Variants in PRTG observed in about 807,000 individuals in gnomAD.
PRTG encodes the protein protogenin, also known as immunoglobulin superfamily, DCC subclass, member 5.
In PRTG, 67 loss-of-function variants were observed where a neutral mutation model predicts 122.5. The observed-to-expected ratio is 0.55, with a 90% CI of 0.45 to 0.67. The LOEUF is 0.67. Among genes scored for constraint, PRTG ranks in the 30% least tolerant of loss-of-function variants. PRTG has a pLI of 0.00. For missense variants in PRTG, 1,435 were observed against 1,415.4 expected (o/e 1.01, Z -0.22); for synonymous variants, 554 against 501.1 (o/e 1.11, Z -1.41).
At chr15:55,732,460 C>A (rs2031266458) in intron 2 of PRTG, among the ~76,000 whole-genome samples, 1 of 150,160 alleles carries the variant, frequency 6.7e-6, no homozygotes, top group Non-Finnish European at 1.5e-5. Flanking sequence ...GCTGGGATTA[C>A]AGGTATGAGC....
chr15:55,704,079 A>AG (rs1216922600), intron 2 of PRTG, among the ~76,000 whole-genome samples: 1 of 152,204 alleles, frequency 6.6e-6, no homozygotes, highest in Non-Finnish European at 1.5e-5. Flanking sequence ...TATGAATTCA[A>AG]GGGGGAAAAA....
chr15:55,733,982 ACTACTT>A, intron 2 of PRTG, among the ~76,000 whole-genome samples: 1 of 152,346 alleles, frequency 6.6e-6, no homozygotes, highest in South Asian at 2.1e-4. Flanking sequence ...AAAGTGTTCT[ACTACTT>A]TCGGAAACAT....
At chr15:55,639,070 C>G (rs79993336) in intron 13 of PRTG, among the ~76,000 whole-genome samples, 2,211 of 152,230 alleles carry the variant, frequency 0.015, 55 homozygotes, top group African/African-American at 0.047. Context: ...CTCCTAAGCA[C>G]AAGCAATTCT....
chr15:55,636,868 A>T (rs2059260453), intron 15 of PRTG, among the ~76,000 whole-genome samples: 1 of 152,170 alleles, frequency 6.6e-6, no homozygotes, highest in Non-Finnish European at 1.5e-5. Flanking sequence ...GCTGGTGTTG[A>T]ACTCCGGACC....
chr15:55,629,298 T>C (rs999827569), intron 15 of PRTG, among the ~76,000 whole-genome samples: 1 of 151,802 alleles, frequency 6.6e-6, no homozygotes, highest in Admixed American at 6.6e-5. Context: ...CCCAATATAA[T>C]CCTTTTCTGT....
In PRTG at chr15:55,705,772, T is replaced by C. The variant is rs1479116975; in HGVS notation, c.398-21841A>G. The stretch of plus-strand genomic sequence containing the variant: ...CTATTTCTGATCAACATCAATTTAA[T>C]TGTACTGTTGTTTATCCAACATTCC... On this transcript the variant is annotated intron_variant, in intron 2 of 19. Coordinates refer to ENST00000389286, the MANE Select transcript of PRTG (RefSeq NM_173814.6). Among the ~76,000 whole-genome samples, 7 of 152,232 alleles carry C rather than the reference T, an allele frequency of 4.6e-5. No homozygotes were observed. The East Asian group carries it at 1.4e-3, about 29-fold the overall frequency.
At chr15:55,708,167 A>AC (rs2030219361) in intron 2 of PRTG, among the ~76,000 whole-genome samples, 1 of 133,056 alleles carries the variant, frequency 7.5e-6, no homozygotes, top group African/African-American at 2.7e-5. Flanking sequence ...AAAAAAAAAA[A>AC]AAAAAAAAAA....
intron 14 of PRTG, among the ~76,000 whole-genome samples, chr15:55,637,996 G>T (rs187751438): frequency 1.1e-3 from 165 of 152,230 alleles, no homozygotes; most frequent in Non-Finnish European, 2.0e-3. Context: ...CTTTCTCTCT[G>T]TATAATTAAA....
chr15:55,641,615 A>C (rs2059290934), intron 11 of PRTG, among the ~76,000 whole-genome samples: 1 of 152,218 alleles, frequency 6.6e-6, no homozygotes, highest in Non-Finnish European at 1.5e-5. Flanking sequence ...CGTTTACTTC[A>C]AAGTATGGAA....
intron 2 of PRTG, among the ~76,000 whole-genome samples, chr15:55,689,632 T>TA (rs5812811): frequency 0.92 from 133,253 of 144,180 alleles, 61,879 homozygotes; most frequent in East Asian, 0.99. Flanking sequence ...GAACTTAAAT[T>TA]AAAAAAAAAA....
rs73408376 is a variant in PRTG at position 55,712,026 on chromosome 15, T to A, written c.398-28095A>T. On this transcript the variant is annotated intron_variant, in intron 2 of 19. Coordinates refer to ENST00000389286, the MANE Select transcript of PRTG (RefSeq NM_173814.6). ...ACAATCTAGGAAGGAACTGAAATGG[T>A]TAAGCAGAAGCCAAATGATTCTGGA... Among the ~76,000 whole-genome samples, 476 of 152,298 alleles carry A rather than the reference T, an allele frequency of 3.1e-3. 4 individuals carry two copies. The highest frequency in any genetic ancestry group is 0.011 in the African/African-American group (460 of 41,568).
rs59773365 is a variant in PRTG, at chr15:55,612,697, AATATATATAT to A, written c.*7305_*7314del. 8.1e-3 allele frequency: 976 copies of A among 119,994 alleles called. 7 individuals are homozygous for A. The highest frequency in any genetic ancestry group is 0.017 in the African/African-American group (366 of 21,208). The allele number at this position is 119,994 out of a possible 1,614,324, so 7.4% of individuals were successfully genotyped here. On this transcript the variant is annotated 3_prime_UTR_variant, in exon 20 of 20. Transcript: ENST00000389286. ...TTCTCTCTTTAACTCTTTAAAAGCC[AATATATATAT>A]ATATATATATATATATATATATATA...
chr15:55,637,807 A>G (rs1457323332), intron 14 of PRTG, among the ~76,000 whole-genome samples: 2 of 152,142 alleles, frequency 1.3e-5, no homozygotes, highest in African/African-American at 4.8e-5. Flanking sequence ...GTGAATTTAC[A>G]GGGCAGACTT....
intron 6 of PRTG, 155 bp from the exon 7 acceptor site, chr15:55,679,600 C>CT: frequency 1.8e-6 from 1 of 570,050 alleles, no homozygotes; most frequent in Non-Finnish European, 3.0e-6. Context: ...CTCCAGGTGC[C>CT]TTTTCTCGGC....
rs188367873 is a variant in PRTG, at chr15:55,641,371, T to C, written c.2042-163A>G. On this transcript the variant is annotated intron_variant, in intron 11 of 19. Transcript: ENST00000389286. ...ATTGACTCAGCAATCCACCTTCGTA[T>C]GACACTGCTATTGTGACTATCTACC... Among the ~76,000 whole-genome samples the C allele has an allele frequency of 1.1e-4, 17 of 152,370 alleles. No homozygotes were observed. In the East Asian group the frequency reaches 3.3e-3, roughly 29 times the overall value.
At chr15:55,635,085 GTGTGTGTGTGTGTGTGTGTT>G (rs2059250136) in intron 15 of PRTG, among the ~76,000 whole-genome samples, 1 of 151,538 alleles carries the variant, frequency 6.6e-6, no homozygotes, top group Non-Finnish European at 1.5e-5. Flanking sequence ...GTGTGTGTGT[GTGTGTGTGTGTGTGTGTGTT>G]TTTTGAGACA....
chr15:55,682,381 G>A lies in PRTG; in HGVS notation c.659C>T (p.Ser220Leu), dbSNP rs755126845. Residue 220 changes from serine to leucine, a missense_variant, in exon 4 of 20, where the codon TCG becomes TTG. Physicochemically the swap from Ser to Leu is moderately radical, Grantham distance 145. Transcript: ENST00000389286. ...CGTGGTACCTGGAATCACAGTTAGC[G>A]AGGCCTCCATACTTTTACGTCGGTG... ...VAHRRKSMEA[S>L]LTVIPAKESK... 75 of 1,599,634 alleles carry A rather than the reference G, an allele frequency of 4.7e-5. No individual in the cohort carries two copies. Among genetic ancestry groups the A allele is most frequent in the Admixed American group, 2.4e-4 (14 of 58,732 alleles).
chr15:55,666,552 A>C (rs1435123797), intron 11 of PRTG, among the ~76,000 whole-genome samples: 1 of 152,196 alleles, frequency 6.6e-6, no homozygotes, highest in Non-Finnish European at 1.5e-5. Context: ...ACCCAAACCT[A>C]CTGAATATTA....
chr15:55,724,928 G>C (rs2030970009), intron 2 of PRTG, among the ~76,000 whole-genome samples: 1 of 152,168 alleles, frequency 6.6e-6, no homozygotes, highest in Admixed American at 6.5e-5. Flanking sequence ...GAAAGTGCTA[G>C]AGGCTGAAAC....
Sources: gnomAD v4.1 joint callset for allele counts (sites outside exome capture counted in the v4.1 genomes callset) on GRCh38, gnomAD v4.1.1 for gene constraint, MANE v1.5 for transcripts, NCBI Gene and HGNC (gene_info 2026-07-23, HGNC 2026-07-21) for gene names.